Variants in TTN observed in about 807,000 individuals in gnomAD.
The protein encoded by TTN is connectin.
A neutral mutation model predicts 3,223.0 loss-of-function variants in TTN; 1,525 were observed. The ratio of observed to expected loss-of-function variants is 0.47; its 90% CI spans 0.45 to 0.49. TTN has a LOEUF of 0.49. TTN is among the 20% of genes least tolerant of loss of function. The probability of loss-of-function intolerance (pLI) is 0.00; values close to 1 mark genes in which losing one functional copy is unlikely to be tolerated. For missense variants in TTN, 40,786 were observed against 43,424.0 expected (o/e 0.94, Z 5.40); for synonymous variants, 14,094 against 15,161.0 (o/e 0.93, Z 5.17).
chr2:178,572,602 T>G lies in TTN; in HGVS notation c.73530A>C (p.Ala24510=). 1 of 1,613,354 alleles carries G rather than the reference T, an allele frequency of 6.2e-7. No homozygotes were observed. The highest frequency in any genetic ancestry group is 8.5e-7 in the Non-Finnish European group (1 of 1,179,574). The change falls in exon 326 of 363, where the codon GCA becomes GCC. Residue 24510 remains alanine (A), a synonymous_variant. Transcript: ENST00000589042. ...TATCGAGAACTCTAACATTGACAAA[T>G]GCAGACTTGCTGCCTGAACTATTTT... ...TVENSSGSKS[A]FVNVRVLDTP... is the part of the protein sequence containing the mutation.
intron 173 of TTN, 33 bp from the exon 174 acceptor site, chr2:178,663,088 A>T: frequency 1.3e-6 from 2 of 1,594,576 alleles, no homozygotes; most frequent in Non-Finnish European, 1.7e-6. Context: ...TGTTTAGAAA[A>T]GGTGAAAATG....
chr2:178,531,898 T>C lies in TTN; in HGVS notation c.104717A>G (p.Asp34906Gly), dbSNP rs753500331. 1.9e-6 allele frequency: 3 copies of C among 1,612,704 alleles called. No individual in the cohort carries two copies. Among genetic ancestry groups the C allele is most frequent in the Middle Eastern group, 1.7e-4 (1 of 6,060 alleles). ...CATGGACTCATACCTGGAAAAGATA[T>C]CAAATCTTGCAGACCTCTCAAATCT... ...LSRFERSARF[D>G]IFSRYESMKA... Residue 34906 changes from aspartate to glycine, a missense_variant, in exon 358 of 363, where the codon GAT becomes GGT. Coordinates refer to ENST00000589042, the MANE Select transcript of TTN (RefSeq NM_001267550.2).
intron 55 of TTN, 42 bp downstream of exon 55, chr2:178,732,792 C>A: frequency 6.4e-7 from 1 of 1,572,578 alleles, no homozygotes; most frequent in Non-Finnish European, 8.6e-7. Flanking sequence ...TTAATTTGAA[C>A]ATAATCTTTA....
At chr2:178,766,344 G>T in intron 41 of TTN, 37 bp downstream of exon 41, 1 of 1,491,646 alleles carries the variant, frequency 6.7e-7, no homozygotes, top group Non-Finnish European at 9.4e-7. Context: ...TATTTCTGAT[G>T]GATCCACAAA....
chr2:178,609,873 T>C lies in TTN; in HGVS notation c.51550A>G (p.Ile17184Val), dbSNP rs777442915. Residue 17184 changes from isoleucine (I) to valine (V), a missense_variant, in exon 272 of 363, where the codon ATA becomes GTA. Transcript: ENST00000589042. ...TCTTCACCCTTAGCAATCTTCTCTA[T>C]GATGTAGCCCATTATCTTGCTCCCT... is the stretch of plus-strand genomic sequence containing the variant. Reference protein sequence around the residue: ...DGGSKIMGYIIEKIAKGEERW... With the variant: ...DGGSKIMGYIVEKIAKGEERW... 3 of 1,613,094 alleles carry C rather than the reference T, an allele frequency of 1.9e-6. No homozygotes were observed. The highest frequency in any genetic ancestry group is 1.3e-5 in the African/African-American group (1 of 74,984).
At position 178,539,600 on chromosome 2, in the gene TTN, T is replaced by C. The variant is rs191054704; in HGVS notation, c.98465A>G (p.Asp32822Gly). Residue 32822 changes from aspartate (D) to glycine (G), a missense_variant, in exon 352 of 363, where the codon GAT (aspartate) becomes GGT (glycine). Transcript: ENST00000589042. ...GCCTAAGATGTCAGCACCACCATCA[T>C]CAGCAGGAGGTCTCCAGCTGACCCT... is the stretch of plus-strand genomic sequence containing the variant. ...SVRVSWRPPA[D>G]DGGADILGYI... 2.6e-5 allele frequency: 42 copies of C among 1,613,758 alleles called. No homozygotes were observed. In the East Asian group the frequency reaches 6.5e-4, roughly 25 times the overall value.
rs796361808 is a variant in TTN, at chr2:178,546,489, G to A, written c.94842C>T (p.Ala31614=). 1.1e-5 allele frequency: 17 copies of A among 1,611,006 alleles called. No individual in the cohort carries two copies. The highest frequency in any genetic ancestry group is 1.7e-5 in the Admixed American group (1 of 59,896). ...TCRDEYAPPK[A]ELDARLHGDL... is the part of the protein sequence containing the mutation. ...CACCGTGTAATCGGGCATCCAGTTC[G>A]GCTTTGGGTGGAGCTGTCAGTAGGC... The change falls in exon 342 of 363, where the codon GCC becomes GCT. Residue 31614 remains alanine (A), a synonymous_variant. Transcript: ENST00000589042.
intron 294 of TTN, among the ~76,000 whole-genome samples, chr2:178,597,262 A>G (rs568764989): frequency 6.6e-6 from 1 of 151,966 alleles, no homozygotes; most frequent in African/African-American, 2.4e-5. Context: ...GTGTACATGC[A>G]CTCTTTAGGT....
Position 178,727,280 on chromosome 2 carries a change from T to C in TTN, c.20085A>G (p.Pro6695=). The change falls in exon 69 of 363, where the codon CCA becomes CCG. Residue 6695 remains proline, a synonymous_variant. Coordinates refer to ENST00000589042, the MANE Select transcript of TTN (RefSeq NM_001267550.2). ...SRLECKIAGS[P]EIRVVWFRNE... ...TTCGGAACCACACAACTCTGATTTCTGGGGATCCAGCTATCTTGCATTCAA... is the reference window on the plus strand; with the variant it reads ...TTCGGAACCACACAACTCTGATTTCCGGGGATCCAGCTATCTTGCATTCAA... The C allele has an allele frequency of 6.2e-7, 1 of 1,613,184 alleles. No individual in the cohort carries two copies.
chr2:178,539,791 A>T lies in TTN; in HGVS notation c.98274T>A (p.Thr32758=). The T allele has an allele frequency of 3.1e-6, 5 of 1,613,830 alleles. No individual in the cohort carries two copies. The highest frequency in any genetic ancestry group is 3.4e-6 in the Non-Finnish European group (4 of 1,179,758). ...TGTCTGCTTCTTTGATCACAAGCTCAGTGTGTGTTTCAGATGTTGCAATCA... is the reference window on the plus strand; with the variant it reads ...TGTCTGCTTCTTTGATCACAAGCTCTGTGTGTGTTTCAGATGTTGCAATCA... ...RAMIATSETH[T]ELVIKEADRG... Residue 32758 remains threonine (T), a synonymous_variant, in exon 352 of 363, where the codon ACT becomes ACA. Transcript: ENST00000589042.
chr2:178,769,560 A>T, intron 37 of TTN, 119 bp downstream of exon 37: 2 of 876,454 alleles, frequency 2.3e-6, no homozygotes, highest in Non-Finnish European at 3.1e-6. Flanking sequence ...CACCCTGCCC[A>T]CCCAATCAAG....
rs1220965392 is a variant in TTN, at chr2:178,601,978, AGAG to A, written c.55269+21_55269+23del. On this transcript the variant is annotated intron_variant, in intron 284 of 362. Transcript: ENST00000589042. ...TCCTTATAGTGATTCAGTGGAAAAAAGAGGAGAATGGTTATTTTCCTACCTTCA... is the reference window on the plus strand; with the variant it reads ...TCCTTATAGTGATTCAGTGGAAAAAAGAGAATGGTTATTTTCCTACCTTCA... 2.5e-6 allele frequency: 4 copies of A among 1,612,608 alleles called. No individual in the cohort carries two copies. The African/African-American group carries it at 4.0e-5, about 16-fold the overall frequency.
At chr2:178,595,984 CT>C (rs762808998) in intron 294 of TTN, among the ~76,000 whole-genome samples, 175 bp from the exon 295 acceptor site, 332 of 114,514 alleles carry the variant, frequency 2.9e-3, no homozygotes, top group African/African-American at 8.4e-3. Context: ...CAGTCAACCA[CT>C]TTTTTTTTTT....
At chr2:178,746,405 G>C in intron 47 of TTN, 2 of 1,609,512 alleles carry the variant, frequency 1.2e-6, no homozygotes, top group Non-Finnish European at 1.7e-6. Context: ...TTCGGGAACT[G>C]TCACTATTTT....
At chr2:178,784,420 A>G (rs920729048) in intron 15 of TTN, 69 bp from the exon 16 acceptor site, 1 of 1,579,096 alleles carries the variant, frequency 6.3e-7, no homozygotes, top group Non-Finnish European at 8.6e-7. Context: ...TCTTGGACTG[A>G]GTCTGAGCCT....
chr2:178,608,954 G>T (rs780011872), intron 273 of TTN, 46 bp from the exon 274 acceptor site: 16 of 1,578,324 alleles, frequency 1.0e-5, no homozygotes, highest in Middle Eastern at 3.4e-4. Flanking sequence ...GTGTGGGAAG[G>T]GTTGCTATGG....
chr2:178,616,644 C>T lies in TTN; in HGVS notation c.48161-14G>A. 6.2e-7 allele frequency: 1 copy of T among 1,611,988 alleles called. No homozygotes were observed. The highest frequency in any genetic ancestry group is 8.5e-7 in the Non-Finnish European group (1 of 1,178,862). On this transcript the variant is annotated splice_polypyrimidine_tract_variant and intron_variant, in intron 256 of 362. Coordinates refer to ENST00000589042, the MANE Select transcript of TTN (RefSeq NM_001267550.2). ...CACTTGGGCGAGCTGAAAAAAAATGCACTCACGAGTCACTGTTAATAGTCT... is the reference window on the plus strand; with the variant it reads ...CACTTGGGCGAGCTGAAAAAAAATGTACTCACGAGTCACTGTTAATAGTCT...
At chr2:178,602,789 G>A (rs1373027639) in intron 282 of TTN, among the ~76,000 whole-genome samples, 199 bp from the exon 283 acceptor site, 1 of 151,892 alleles carries the variant, frequency 6.6e-6, no homozygotes, top group Non-Finnish European at 1.5e-5. Flanking sequence ...TGCAAAAACA[G>A]AGAAAGCAAA....
chr2:178,624,298 T>G (rs1244934763), intron 242 of TTN, among the ~76,000 whole-genome samples, 167 bp downstream of exon 242: 1 of 151,886 alleles, frequency 6.6e-6, no homozygotes, highest in East Asian at 1.9e-4. Flanking sequence ...TTTCTTTTCT[T>G]TTTTTCTTTA....
Sources: gnomAD v4.1 joint callset for allele counts (sites outside exome capture counted in the v4.1 genomes callset) on GRCh38, gnomAD v4.1.1 for gene constraint, MANE v1.5 for transcripts, NCBI Gene and HGNC (gene_info 2026-07-23, HGNC 2026-07-21) for gene names.